KAZN: variants seen among roughly 807,000 people sequenced by gnomAD.
The protein encoded by KAZN is kazrin.
KAZN carries 40 observed loss-of-function variants against 87.4 expected under a neutral mutation model. The observed-to-expected ratio is 0.46, with a 90% confidence interval of 0.36 to 0.60. The LOEUF is 0.60. Ranked by LOEUF, KAZN falls within the 20% of genes least tolerant of loss-of-function variation. KAZN has a pLI of 0.00. For missense variants in KAZN, 898 were observed against 1,073.9 expected (o/e 0.84, Z 2.29); for synonymous variants, 466 against 458.3 (o/e 1.02, Z -0.22).
Position 14,703,672 on chromosome 1 carries a change from G to A in KAZN, c.226+104449G>A, listed in dbSNP as rs146593847. On this transcript the variant is annotated intron_variant, in intron 1 of 14. Coordinates refer to ENST00000376030, the MANE Select transcript of KAZN (RefSeq NM_201628.3). Reference sequence around the variant, plus strand: ...GCAGGAAGATCACTTGGGGCCAGGAGTTGGAGACCAGCCTGGACCACATAG... The same window carrying A: ...GCAGGAAGATCACTTGGGGCCAGGAATTGGAGACCAGCCTGGACCACATAG... 2.5e-3 allele frequency among the ~76,000 whole-genome samples: 377 copies of A among 152,322 alleles called. 1 individual carries two copies. The highest frequency in any genetic ancestry group is 8.6e-3 in the African/African-American group (357 of 41,566).
chr1:13,953,162 G>C (rs1355995406), intron 1 of KAZN, among the ~76,000 whole-genome samples: 2 of 152,074 alleles, frequency 1.3e-5, no homozygotes, highest in African/African-American at 4.8e-5. Flanking sequence ...AGTTCTTCCA[G>C]GCACTATCTT....
chr1:14,733,847 G>T (rs962156127), intron 1 of KAZN, among the ~76,000 whole-genome samples: 1 of 152,150 alleles, frequency 6.6e-6, no homozygotes, highest in Non-Finnish European at 1.5e-5. Flanking sequence ...TCTGGGGTTT[G>T]GCCCCCCGAT....
chr1:13,969,929 C>G (rs954150794), intron 1 of KAZN, among the ~76,000 whole-genome samples: 1 of 152,150 alleles, frequency 6.6e-6, no homozygotes, highest in Non-Finnish European at 1.5e-5. Context: ...TAGGCACCGC[C>G]CATTTTATAG....
intron 1 of KAZN, among the ~76,000 whole-genome samples, chr1:14,905,141 C>CT (rs1403757520): frequency 1.7e-4 from 26 of 152,176 alleles, no homozygotes; most frequent in Admixed American, 1.7e-3. Flanking sequence ...TCCCTGCAAC[C>CT]TCTGCCTTCT....
chr1:14,833,415 GAC>G (rs914646731), intron 1 of KAZN, among the ~76,000 whole-genome samples: 5 of 152,168 alleles, frequency 3.3e-5, no homozygotes, highest in Admixed American at 2.6e-4. Context: ...ATGGGAGTGA[GAC>G]AGGGAAGGAA....
intron 1 of KAZN, among the ~76,000 whole-genome samples, chr1:13,913,926 G>T (rs1161947320): frequency 2.0e-5 from 3 of 152,126 alleles, no homozygotes; most frequent in Non-Finnish European, 4.4e-5. Context: ...GGGATCCTTG[G>T]ACCAGCATCA....
chr1:14,868,157 G>A (rs1050724305), intron 1 of KAZN, among the ~76,000 whole-genome samples: 5 of 151,784 alleles, frequency 3.3e-5, no homozygotes, highest in African/African-American at 9.7e-5. Flanking sequence ...CGCAGCCATC[G>A]CATAGGCGGG....
intron 2 of KAZN, among the ~76,000 whole-genome samples, chr1:14,342,725 G>A (rs1466433413): frequency 1.3e-5 from 2 of 152,192 alleles, no homozygotes; most frequent in African/African-American, 2.4e-5. Context: ...AAGAGATGAT[G>A]AGACAAGAGG....
chr1:13,901,654 G>A (rs915766809), intron 1 of KAZN, among the ~76,000 whole-genome samples: 5 of 152,226 alleles, frequency 3.3e-5, no homozygotes, highest in Admixed American at 2.0e-4. Context: ...TGGCTTAAGC[G>A]TTCAGTTCTG....
intron 1 of KAZN, among the ~76,000 whole-genome samples, chr1:14,107,387 G>T (rs1381491578): frequency 6.6e-6 from 1 of 151,456 alleles, no homozygotes; most frequent in African/African-American, 2.4e-5. Context: ...TTGTTTGTTT[G>T]TTTTTTTGCC....
At position 14,359,356 on chromosome 1, in the gene KAZN, T is replaced by A. The variant is rs187539831; in HGVS notation, c.249+178764T>A. Among the ~76,000 whole-genome samples the A allele has an allele frequency of 1.8e-4, 27 of 152,300 alleles. 1 individual carries two copies. The East Asian group carries it at 5.2e-3, about 29-fold the overall frequency. On this transcript the variant is annotated intron_variant, in intron 2 of 16. Transcript: ENST00000636203. ...TTGCACATGAGATGGGTCTCCTGAA[T>A]ACAGCACACTGATGGGTCTTGACTC...
intron 2 of KAZN, among the ~76,000 whole-genome samples, chr1:14,442,488 G>A (rs765763661): frequency 1.1e-4 from 17 of 152,146 alleles, no homozygotes; most frequent in South Asian, 1.0e-3. Context: ...ACCCCTAACC[G>A]TCTATAGCTG....
intron 1 of KAZN, among the ~76,000 whole-genome samples, chr1:14,947,216 C>G (rs923663159): frequency 1.3e-5 from 2 of 152,216 alleles, no homozygotes; most frequent in Admixed American, 1.3e-4. Context: ...GTGGATGTAA[C>G]TAATGCGCGG....
rs1159229425 is a variant in KAZN, at chr1:14,599,019, C to T, written c.22C>T (p.Leu8Phe). 1 of 1,570,798 alleles carries T rather than the reference C, an allele frequency of 6.4e-7. No homozygotes were observed. Among genetic ancestry groups the T allele is most frequent in the Non-Finnish European group, 8.6e-7 (1 of 1,162,386 alleles). ...GAGCATGATGGAAGACAATAAGCAG[C>T]TCGCGCTCCGCATCGATGGGGCGGT... The part of the protein sequence containing the change: MMEDNKQ[L>F]ALRIDGAVQS... Residue 8 changes from leucine (L) to phenylalanine (F), a missense_variant, in exon 1 of 15, where the codon CTC (leucine) becomes TTC (phenylalanine). Coordinates refer to ENST00000376030, the MANE Select transcript of KAZN (RefSeq NM_201628.3). This position sits in a 1 kb window ranked among gnomAD's most constrained non-coding sequence, Gnocchi z 4.4.
intron 1 of KAZN, among the ~76,000 whole-genome samples, chr1:14,782,312 C>T (rs895844492): frequency 7.2e-5 from 11 of 151,800 alleles, no homozygotes; most frequent in African/African-American, 1.7e-4. Flanking sequence ...TTTGAGAGGC[C>T]GAGGCGGGTG....
intron 1 of KAZN, among the ~76,000 whole-genome samples, chr1:14,040,531 G>T (rs886245821): frequency 2.0e-5 from 3 of 152,186 alleles, no homozygotes; most frequent in Admixed American, 2.0e-4. Context: ...GGAGGCCAAG[G>T]CAGGCAGATC....
At chr1:14,931,606 C>T (rs995928903) in intron 1 of KAZN, among the ~76,000 whole-genome samples, 2 of 152,066 alleles carry the variant, frequency 1.3e-5, no homozygotes, top group Non-Finnish European at 2.9e-5. Flanking sequence ...TTCTCAGGCT[C>T]CCCTCCTCCC....
At chr1:14,530,436 T>C (rs913295313) in intron 2 of KAZN, among the ~76,000 whole-genome samples, 3 of 152,162 alleles carry the variant, frequency 2.0e-5, no homozygotes, top group African/African-American at 7.2e-5. Flanking sequence ...GGTTTGGATG[T>C]GTGTCTCCTC....
chr1:14,154,954 C>CTTCCTTCCTTCCTTCT (rs1645558654), intron 1 of KAZN, among the ~76,000 whole-genome samples: 1 of 8,770 alleles, frequency 1.1e-4, no homozygotes, highest in Admixed American at 1.2e-3. Context: ...TGTAGTTTTT[C>CTTCCTTCCTTCCTTCT]TTCCTTCCTT....
Sources: allele counts gnomAD v4.1 joint callset (sites outside exome capture counted in the v4.1 genomes callset), GRCh38; gene constraint gnomAD v4.1.1; non-coding constraint Gnocchi (gnomAD v3.1); transcripts MANE v1.5; gene names NCBI Gene and HGNC (gene_info 2026-07-23, HGNC 2026-07-21).